RBFOX3: variants seen among roughly 807,000 people sequenced by gnomAD.
The protein encoded by RBFOX3 is RNA binding protein fox-1 homolog 3.
In RBFOX3, 17 loss-of-function variants were observed where a neutral mutation model predicts 48.7. That is an observed-to-expected ratio of 0.35 (90% CI 0.24 to 0.52). RBFOX3 has a LOEUF of 0.52. RBFOX3 is among the 20% of genes least tolerant of loss of function. The pLI is 0.94. For synonymous variants in RBFOX3, 212 were observed against 209.5 expected (o/e 1.01, Z -0.10); for missense variants, 382 against 497.5 (o/e 0.77, Z 2.21).
intron 5 of RBFOX3, among the ~76,000 whole-genome samples, chr17:79,107,692 G>C (rs894140693): frequency 6.6e-6 from 1 of 152,240 alleles, no homozygotes; most frequent in Non-Finnish European, 1.5e-5. Context: ...GACTGTCCGA[G>C]GTGGCCATTA....
At chr17:79,115,103 G>A (rs1323421772) in intron 5 of RBFOX3, among the ~76,000 whole-genome samples, 1 of 152,202 alleles carries the variant, frequency 6.6e-6, no homozygotes, top group Non-Finnish European at 1.5e-5. Flanking sequence ...TCTGCCCTCC[G>A]CCCGTCTCCT....
Position 79,481,636 on chromosome 17 carries a change from C to A in RBFOX3, c.-175+818G>T, listed in dbSNP as rs373548632. 3.9e-5 allele frequency among the ~76,000 whole-genome samples: 6 copies of A among 152,050 alleles called. No homozygotes were observed. Among genetic ancestry groups the A allele is most frequent in the Non-Finnish European group, 7.4e-5 (5 of 68,012 alleles). ...CTAGAGACAGCTCAGTCACGTGGCT[C>A]GGGGAGCTTGCGGTTGGTGAACTTG... is the stretch of plus-strand genomic sequence containing the variant. On this transcript the variant is annotated intron_variant, in intron 2 of 14. Transcript: ENST00000693108. The surrounding 1 kb of genome is among the most constrained non-coding windows in gnomAD (Gnocchi z 5.4).
rs914834501 is a variant in RBFOX3 at position 79,520,422 on chromosome 17, C to T, written c.-319-37824G>A. Among the ~76,000 whole-genome samples the T allele has an allele frequency of 3.8e-4, 58 of 152,286 alleles. 1 individual carries two copies. Among genetic ancestry groups the T allele is most frequent in the African/African-American group, 1.3e-3 (56 of 41,558 alleles). ...GGAGCAGCCTGGAGCTGCAGCTGAG[C>T]GAGCTGCCCTCCTGTGCGCACGTGC... On this transcript the variant is annotated intron_variant, in intron 1 of 14. Transcript: ENST00000693108.
chr17:79,139,704 C>G (rs1174122533), intron 4 of RBFOX3, among the ~76,000 whole-genome samples: 1 of 152,256 alleles, frequency 6.6e-6, no homozygotes, highest in East Asian at 1.9e-4. Context: ...TGCCCACCAC[C>G]AACCGCGAAA....
At chr17:79,124,524 C>A (rs1377669019) in intron 4 of RBFOX3, among the ~76,000 whole-genome samples, 1 of 152,252 alleles carries the variant, frequency 6.6e-6, no homozygotes, top group Admixed American at 6.5e-5. Flanking sequence ...CCATTCCCAG[C>A]CAGCAGCAGC....
At chr17:79,467,439 A>G (rs1203591628) in intron 2 of RBFOX3, among the ~76,000 whole-genome samples, 1 of 152,166 alleles carries the variant, frequency 6.6e-6, no homozygotes, top group Non-Finnish European at 1.5e-5. Flanking sequence ...TTCTTTTAAG[A>G]TGATCCCTCT....
chr17:79,375,948 T>C (rs1331906462), intron 2 of RBFOX3, among the ~76,000 whole-genome samples: 1 of 152,250 alleles, frequency 6.6e-6, no homozygotes, highest in African/African-American at 2.4e-5. Context: ...GCAGTTGTGC[T>C]TCCCTCACAG....
At chr17:79,294,489 T>C (rs530242340) in intron 3 of RBFOX3, among the ~76,000 whole-genome samples, 1 of 152,270 alleles carries the variant, frequency 6.6e-6, no homozygotes, top group East Asian at 1.9e-4. Context: ...TTTTTGTATT[T>C]TCAGTAGAGA....
the RBFOX3 span, among the ~76,000 whole-genome samples, chr17:79,659,141 G>T: frequency 6.6e-6 from 1 of 152,146 alleles, no homozygotes; most frequent in Admixed American, 6.5e-5. Context: ...TGGACCACGC[G>T]GGGGCCCGTG....
chr17:79,468,961 TGG>T (rs2076699355), intron 2 of RBFOX3, among the ~76,000 whole-genome samples: 1 of 144,664 alleles, frequency 6.9e-6, no homozygotes, highest in East Asian at 2.1e-4. Flanking sequence ...GATGGATGGA[TGG>T]ATGGATGGAT....
chr17:79,139,933 G>A (rs151323043), intron 4 of RBFOX3, among the ~76,000 whole-genome samples: 320 of 152,290 alleles, frequency 2.1e-3, no homozygotes, highest in African/African-American at 7.1e-3. Flanking sequence ...GACGCCGAGA[G>A]AAGCCAAATA....
At chr17:79,280,229 GCACACATGCACACACA>G (rs908889450) in intron 3 of RBFOX3, among the ~76,000 whole-genome samples, 6 of 53,212 alleles carry the variant, frequency 1.1e-4, no homozygotes, top group South Asian at 1.0e-3. Context: ...GCACACACAC[GCACACATGCACACACA>G]CACACATGCA....
At chr17:79,326,646 G>A (rs2079376149) in intron 2 of RBFOX3, among the ~76,000 whole-genome samples, 1 of 152,166 alleles carries the variant, frequency 6.6e-6, no homozygotes, top group African/African-American at 2.4e-5. Flanking sequence ...GTGCCCCTGG[G>A]CACTCCCTGC....
At chr17:79,628,426 A>C in the RBFOX3 span, among the ~76,000 whole-genome samples, 4,436 of 152,288 alleles carry the variant, frequency 0.029, 181 homozygotes, top group African/African-American at 0.09. Flanking sequence ...ATGGGTGCAT[A>C]GATGCAATCC....
chr17:79,388,204 G>C (rs923754986), intron 2 of RBFOX3, among the ~76,000 whole-genome samples: 2 of 152,190 alleles, frequency 1.3e-5, no homozygotes, highest in Non-Finnish European at 2.9e-5. Flanking sequence ...CCATAACTAC[G>C]CAGCCCCCAT....
the RBFOX3 span, among the ~76,000 whole-genome samples, chr17:79,656,651 GA>G: frequency 2.5e-4 from 34 of 135,250 alleles, no homozygotes; most frequent in African/African-American, 1.0e-3. Context: ...AGAGAAGAAA[GA>G]AAGGAAGAGA....
At chr17:79,656,341 C>A in the RBFOX3 span, among the ~76,000 whole-genome samples, 6 of 152,166 alleles carry the variant, frequency 3.9e-5, no homozygotes, top group Non-Finnish European at 2.9e-5. Context: ...AGGCCGGGCA[C>A]GGTGGCTCAC....
intron 2 of RBFOX3, among the ~76,000 whole-genome samples, chr17:79,460,719 G>C (rs1351165674): frequency 6.6e-6 from 1 of 152,172 alleles, no homozygotes; most frequent in African/African-American, 2.4e-5. Flanking sequence ...ATTATCACGA[G>C]GGTGGGTTTG....
intron 2 of RBFOX3, among the ~76,000 whole-genome samples, chr17:79,474,301 T>C (rs1233391426): frequency 5.3e-5 from 8 of 152,178 alleles, no homozygotes; most frequent in Non-Finnish European, 2.9e-5. Context: ...ATGTGGAACC[T>C]TCTCATGTTT....
Sources: gnomAD v4.1 joint callset for allele counts (sites outside exome capture counted in the v4.1 genomes callset) on GRCh38, gnomAD v4.1.1 for gene constraint, Gnocchi (gnomAD v3.1) non-coding constraint, MANE v1.5 for transcripts, NCBI Gene and HGNC (gene_info 2026-07-23, HGNC 2026-07-21) for gene names.